SAMMSON: variants seen among roughly 807,000 people sequenced by gnomAD.
SAMMSON encodes survival associated mitochondrial melanoma specific oncogenic non-coding RNA.
intron 3 of SAMMSON, chr3:70,014,702 CAA>C (rs2066974172): frequency 6.6e-6 from 1 of 152,172 alleles, no homozygotes; most frequent in Non-Finnish European, 1.5e-5. Flanking sequence ...CTCCAACTCT[CAA>C]AGTAACTTCT....
intron 1 of SAMMSON, among the ~76,000 whole-genome samples, chr3:70,002,074 T>C (rs1342871972): frequency 6.6e-6 from 1 of 152,214 alleles, no homozygotes; most frequent in East Asian, 1.9e-4. Context: ...GAGTCTTCTT[T>C]ATATGGATGT....
chr3:70,011,233 A>G (rs1260695741), intron 1 of SAMMSON, among the ~76,000 whole-genome samples: 6 of 152,112 alleles, frequency 3.9e-5, no homozygotes, highest in African/African-American at 1.2e-4. Context: ...TATATTGTCT[A>G]TGGCTACCTC....
At chr3:70,245,669 CTTTA>C (rs1266818584) in intron 4 of SAMMSON, among the ~76,000 whole-genome samples, 3 of 72,234 alleles carry the variant, frequency 4.2e-5, no homozygotes, top group Admixed American at 1.8e-4. Context: ...TTGCAAACTG[CTTTA>C]TATATATATA....
At chr3:70,351,750 C>A (rs542670361) in intron 7 of SAMMSON, among the ~76,000 whole-genome samples, 1 of 152,014 alleles carries the variant, frequency 6.6e-6, no homozygotes, top group East Asian at 1.9e-4. Flanking sequence ...ACCAAATAAC[C>A]AAGAACGAGG....
chr3:70,420,937 CTTTA>C (rs1002510859), intron 2 of SAMMSON, among the ~76,000 whole-genome samples: 9 of 101,414 alleles, frequency 8.9e-5, no homozygotes, highest in African/African-American at 3.1e-4. Flanking sequence ...AACAGTTTTG[CTTTA>C]TTTTTTTTTT....
chr3:70,322,254 G>A (rs1479020840), intron 7 of SAMMSON, among the ~76,000 whole-genome samples: 1 of 152,116 alleles, frequency 6.6e-6, no homozygotes, highest in Non-Finnish European at 1.5e-5. Context: ...ACCGAGGTAT[G>A]ATTATGCTTA....
chr3:70,058,111 TC>T (rs568801428), intron 3 of SAMMSON, among the ~76,000 whole-genome samples: 201 of 152,226 alleles, frequency 1.3e-3, no homozygotes, highest in African/African-American at 4.7e-3. Context: ...TAACTGAACT[TC>T]ATTCAGCCTC....
rs181693758 is a variant in SAMMSON, at chr3:70,130,146, C to A, written n.507+58581C>A. 6.4e-3 allele frequency among the ~76,000 whole-genome samples: 968 copies of A among 152,200 alleles called. 5 individuals carry two copies. The highest frequency in any genetic ancestry group is 0.02 in the African/African-American group (843 of 41,514). ...TAGCAGGGAGTCTACAGCTGTCCCA[C>A]CATTGAATGTTGAATGTTTCTGGAA... On this transcript the variant is annotated intron_variant and non_coding_transcript_variant, in intron 4 of 9. Coordinates refer to ENST00000642114, the Ensembl canonical transcript of SAMMSON.
intron 4 of SAMMSON, among the ~76,000 whole-genome samples, chr3:70,123,301 C>T (rs2067442777): frequency 6.6e-6 from 1 of 152,194 alleles, no homozygotes; most frequent in East Asian, 1.9e-4. Context: ...AAGTCTCGCT[C>T]TGTTGCCTAG....
At chr3:70,277,824 A>T (rs1182587889) in intron 6 of SAMMSON, among the ~76,000 whole-genome samples, 1 of 152,092 alleles carries the variant, frequency 6.6e-6, no homozygotes, top group African/African-American at 2.4e-5. Context: ...GTTGAGATCT[A>T]TGTGCCAGGT....
At chr3:70,210,485 C>T (rs1701332523) in intron 4 of SAMMSON, among the ~76,000 whole-genome samples, 1 of 152,030 alleles carries the variant, frequency 6.6e-6, no homozygotes, top group Non-Finnish European at 1.5e-5. Context: ...TGACATCTTC[C>T]ATCTTTTATA....
intron 2 of SAMMSON, among the ~76,000 whole-genome samples, chr3:70,396,901 A>G (rs1391738087): frequency 6.6e-6 from 1 of 152,198 alleles, no homozygotes; most frequent in Non-Finnish European, 1.5e-5. Context: ...CACTTAGGAG[A>G]TCTCAGAAAG....
At chr3:70,355,983 A>C (rs933788021) in intron 8 of SAMMSON, among the ~76,000 whole-genome samples, 1 of 152,186 alleles carries the variant, frequency 6.6e-6, no homozygotes, top group African/African-American at 2.4e-5. Flanking sequence ...AAAGACATAC[A>C]TTTGTCATAA....
rs912933705 is a variant in SAMMSON, at chr3:70,103,112, G to T, written n.507+31547G>T. On this transcript the variant is annotated intron_variant and non_coding_transcript_variant, in intron 4 of 9. Transcript: ENST00000642114. ...AAACTGGAATGCCCCACCTAAAGGA[G>T]TGGCTTCCACTAAGCTTCAACAAAT... is the stretch of plus-strand genomic sequence containing the variant. Among the ~76,000 whole-genome samples, 5 of 152,292 alleles carry T rather than the reference G, an allele frequency of 3.3e-5. No individual in the cohort carries two copies. In the South Asian group the frequency reaches 1.0e-3, roughly 32 times the overall value.
intron 4 of SAMMSON, among the ~76,000 whole-genome samples, chr3:70,201,217 G>T (rs1246856574): frequency 1.3e-5 from 2 of 151,906 alleles, no homozygotes; most frequent in African/African-American, 4.8e-5. Context: ...CCTCCAATAA[G>T]CCCCATTGTG....
intron 4 of SAMMSON, among the ~76,000 whole-genome samples, chr3:70,164,339 C>T (rs2067628185): frequency 6.6e-6 from 1 of 152,068 alleles, no homozygotes; most frequent in Non-Finnish European, 1.5e-5. Flanking sequence ...ACCCCTAGCA[C>T]AATGACAGGC....
intron 4 of SAMMSON, among the ~76,000 whole-genome samples, chr3:70,233,318 C>T (rs1290792881): frequency 6.6e-6 from 1 of 152,074 alleles, no homozygotes; most frequent in Admixed American, 6.5e-5. Context: ...AGGAGTGCAG[C>T]AAGATGACAG....
At chr3:70,249,402 A>G (rs1214025590) in intron 5 of SAMMSON, among the ~76,000 whole-genome samples, 1 of 152,134 alleles carries the variant, frequency 6.6e-6, no homozygotes, top group Non-Finnish European at 1.5e-5. Flanking sequence ...TTGGAATGCA[A>G]TTTAGGAGAC....
intron 6 of SAMMSON, among the ~76,000 whole-genome samples, chr3:70,251,460 T>C (rs755014596): frequency 6.6e-6 from 1 of 152,188 alleles, no homozygotes; most frequent in African/African-American, 2.4e-5. Flanking sequence ...AGTGGGTATA[T>C]ATTAGATCAA....
Sources: gnomAD v4.1 joint callset for allele counts (sites outside exome capture counted in the v4.1 genomes callset) on GRCh38, gnomAD v4.1.1 for gene constraint, MANE v1.5 for transcripts, NCBI Gene and HGNC (gene_info 2026-07-23, HGNC 2026-07-21) for gene names.